The following RNF220 variants were observed in gnomAD, a reference collection of about 807,000 sequenced individuals.
RNF220 encodes the protein ring finger protein 220, also known as E3 ubiquitin-protein ligase RNF220.
In RNF220, 7 loss-of-function variants were observed where a neutral mutation model predicts 67.1. That is an observed-to-expected ratio of 0.10 (90% CI 0.06 to 0.20). RNF220 has a LOEUF of 0.20. RNF220 is among the 10% of genes least tolerant of loss of function. The pLI, the probability that RNF220 is intolerant of heterozygous loss-of-function variation, is 1.00. For missense variants in RNF220, 565 were observed against 740.3 expected (o/e 0.76, Z 2.75); for synonymous variants, 270 against 283.2 (o/e 0.95, Z 0.47).
intron 5 of RNF220, among the ~76,000 whole-genome samples, chr1:44,627,464 T>C (rs1462073792): frequency 6.6e-6 from 1 of 151,854 alleles, no homozygotes; most frequent in Non-Finnish European, 1.5e-5. Context: ...GTGAGTGTCT[T>C]GGGCAAATAG....
chr1:44,595,502 G>C (rs1048395769), intron 2 of RNF220, among the ~76,000 whole-genome samples: 1 of 152,174 alleles, frequency 6.6e-6, no homozygotes, highest in Non-Finnish European at 1.5e-5. Flanking sequence ...TTGTGTGCAG[G>C]CTGGGGCTCT....
intron 5 of RNF220, chr1:44,631,834 T>C (rs1480927616): frequency 1.1e-6 from 1 of 906,830 alleles, no homozygotes; most frequent in Middle Eastern, 5.7e-4. Context: ...TCACGGGCGG[T>C]GGGAGGGACC....
intron 2 of RNF220, among the ~76,000 whole-genome samples, chr1:44,482,984 G>A (rs1036448744): frequency 1.5e-5 from 2 of 136,834 alleles, no homozygotes; most frequent in South Asian, 2.4e-4. Context: ...AGGCTGGAGC[G>A]CAGTGGAACG....
chr1:44,459,297 C>T (rs961228352), intron 2 of RNF220, among the ~76,000 whole-genome samples: 7 of 151,928 alleles, frequency 4.6e-5, no homozygotes, highest in African/African-American at 1.2e-4. Flanking sequence ...CTGCCTTTGA[C>T]GCTTCCATTT....
chr1:44,469,832 A>G (rs1654642969), intron 2 of RNF220, among the ~76,000 whole-genome samples: 1 of 152,210 alleles, frequency 6.6e-6, no homozygotes, highest in African/African-American at 2.4e-5. Context: ...CAAAGGCCCT[A>G]CCAGGAGGGA....
rs1316114242 is a variant in RNF220 at position 44,651,484 on chromosome 1, G to C, written c.*709G>C. ...AGTTGGGGGGTAGAGGCAGGAAATG[G>C]GAACCGAGCTGAAGCAGAGGCTGAG... is the stretch of plus-strand genomic sequence containing the variant. On this transcript the variant is annotated 3_prime_UTR_variant, in exon 15 of 15. Coordinates refer to ENST00000361799, the MANE Select transcript of RNF220 (RefSeq NM_018150.4). The C allele has an allele frequency of 6.5e-6, 1 of 153,000 alleles. No homozygotes were observed. The highest frequency in any genetic ancestry group is 1.5e-5 in the Non-Finnish European group (1 of 68,320). 9.5% of individuals were successfully genotyped at this position (153,000 alleles called of 1,614,324 possible).
rs374079139 is a variant in RNF220 at position 44,644,825 on chromosome 1, G to A, written c.1223+31G>A. The A allele has an allele frequency of 9.0e-4, 1,413 of 1,578,134 alleles. 16 individuals carry two copies. Among genetic ancestry groups the A allele is most frequent in the Non-Finnish European group, 1.7e-4 (197 of 1,147,470 alleles). On this transcript the variant is annotated intron_variant, in intron 9 of 14. Transcript: ENST00000361799. ...CTTGGAGCACTATGGGGGCTGGTGG[G>A]GCTGATAGGGCAGGCACAGGGAATA... is the stretch of plus-strand genomic sequence containing the variant.
chr1:44,497,797 C>A (rs1387351614), intron 2 of RNF220, among the ~76,000 whole-genome samples: 1 of 152,200 alleles, frequency 6.6e-6, no homozygotes, highest in African/African-American at 2.4e-5. Context: ...TATACTGCTG[C>A]AAGCACCCCT....
At chr1:44,500,303 T>G (rs1657720614) in intron 2 of RNF220, among the ~76,000 whole-genome samples, 1 of 152,212 alleles carries the variant, frequency 6.6e-6, no homozygotes, top group South Asian at 2.1e-4. Context: ...GCTCTTGCAG[T>G]TCCCTTGGGC....
chr1:44,570,082 G>A (rs1340278576), intron 2 of RNF220, among the ~76,000 whole-genome samples: 2 of 152,136 alleles, frequency 1.3e-5, no homozygotes, highest in African/African-American at 4.8e-5. Flanking sequence ...TTTCAGGTCC[G>A]AATGGAAGCG....
rs1557429561 is a variant in RNF220, at chr1:44,606,161, T to A, written c.626-8004T>A. Among the ~76,000 whole-genome samples, 1 of 152,336 alleles carries A rather than the reference T, an allele frequency of 6.6e-6. No individual in the cohort carries two copies. The highest frequency in any genetic ancestry group is 1.9e-4 in the East Asian group (1 of 5,182). On this transcript the variant is annotated intron_variant, in intron 2 of 14. Transcript: ENST00000361799. This position sits in a 1 kb window ranked among gnomAD's most constrained non-coding sequence, Gnocchi z 4.2. ...CCAGACAAGTGTATTACACGGATAATGTATTTGACGTATTAATAAAACCAG... is the reference window on the plus strand; with the variant it reads ...CCAGACAAGTGTATTACACGGATAAAGTATTTGACGTATTAATAAAACCAG...
At chr1:44,629,743 G>A (rs1644061063) in intron 5 of RNF220, among the ~76,000 whole-genome samples, 2 of 152,160 alleles carry the variant, frequency 1.3e-5, no homozygotes, top group Non-Finnish European at 2.9e-5. Flanking sequence ...AGAAGGAGGA[G>A]AAAATCAGAG....
intron 2 of RNF220, among the ~76,000 whole-genome samples, chr1:44,577,938 G>A (rs1024223768): frequency 2.0e-5 from 3 of 151,200 alleles, no homozygotes; most frequent in African/African-American, 4.9e-5. Flanking sequence ...CTGGGCTCAA[G>A]TGATCCTCTT....
intron 2 of RNF220, among the ~76,000 whole-genome samples, chr1:44,467,704 A>G (rs1654410447): frequency 7.9e-6 from 1 of 127,088 alleles, no homozygotes; most frequent in Non-Finnish European, 1.7e-5. Context: ...GTTCACTAGC[A>G]TAGCATTTTT....
chr1:44,609,869 A>T (rs1300980954), intron 2 of RNF220, among the ~76,000 whole-genome samples: 3 of 152,208 alleles, frequency 2.0e-5, no homozygotes, highest in Non-Finnish European at 4.4e-5. Context: ...GACTCTCTGG[A>T]GGTCATACAA....
At chr1:44,581,082 A>T (rs909761144) in intron 2 of RNF220, among the ~76,000 whole-genome samples, 1 of 152,202 alleles carries the variant, frequency 6.6e-6, no homozygotes, top group African/African-American at 2.4e-5. Context: ...TGAGAGAGAG[A>T]GTGTCCGGAA....
intron 2 of RNF220, among the ~76,000 whole-genome samples, chr1:44,503,964 T>G (rs1045809579): frequency 6.6e-6 from 1 of 152,128 alleles, no homozygotes; most frequent in Non-Finnish European, 1.5e-5. Flanking sequence ...ATTCTCCTGA[T>G]TCAGCCTCCT....
intron 2 of RNF220, among the ~76,000 whole-genome samples, chr1:44,530,446 G>A (rs1660745921): frequency 6.6e-6 from 1 of 151,208 alleles, no homozygotes. Context: ...ATTTACTGAG[G>A]AAGTTTCAAC....
intron 2 of RNF220, among the ~76,000 whole-genome samples, chr1:44,518,481 TC>T: frequency 6.6e-6 from 1 of 152,146 alleles, no homozygotes; most frequent in Non-Finnish European, 1.5e-5. Flanking sequence ...TCATGATCTT[TC>T]CTCTTCCTCA....
Sources: gnomAD v4.1 joint callset for allele counts (sites outside exome capture counted in the v4.1 genomes callset) on GRCh38, gnomAD v4.1.1 for gene constraint, Gnocchi (gnomAD v3.1) non-coding constraint, MANE v1.5 for transcripts, NCBI Gene and HGNC (gene_info 2026-07-23, HGNC 2026-07-21) for gene names.